The following DLGAP2 variants were observed in gnomAD, a reference collection of about 807,000 sequenced individuals.
The protein encoded by DLGAP2 is DLG associated protein 2.
In DLGAP2, 26 loss-of-function variants were observed where a neutral mutation model predicts 100.3. The observed-to-expected ratio is 0.26, with a 90% CI of 0.19 to 0.36. The LOEUF (loss-of-function observed/expected upper bound fraction) is 0.36. DLGAP2 is among the 10% of genes least tolerant of loss of function. The pLI is 1.00. For missense variants in DLGAP2, 1,858 were observed against 1,453.2 expected, an observed-to-expected ratio of 1.28 and a Z score of -4.53; for synonymous variants, 886 against 630.1, an observed-to-expected ratio of 1.41 and a Z score of -6.08.
At chr8:1,033,664 T>C (rs35604780) in intron 2 of DLGAP2, among the ~76,000 whole-genome samples, 61,785 of 151,930 alleles carry the variant, frequency 0.41, 12,658 homozygotes, top group Admixed American at 0.49. Flanking sequence ...GAGACCGTGT[T>C]ACCCCAAGTT....
chr8:1,285,098 C>T (rs1003906567), intron 3 of DLGAP2, among the ~76,000 whole-genome samples: 19 of 152,228 alleles, frequency 1.2e-4, no homozygotes, highest in East Asian at 1.2e-3. Flanking sequence ...TAAATTCTGC[C>T]ATATTTTTTA....
intron 3 of DLGAP2, among the ~76,000 whole-genome samples, chr8:1,298,597 G>T (rs1010747649): frequency 2.0e-5 from 3 of 151,868 alleles, no homozygotes; most frequent in African/African-American, 4.8e-5. Context: ...CCACAGTCCT[G>T]CCCGTCCACA....
At chr8:1,496,006 C>T (rs955744462) in intron 3 of DLGAP2, among the ~76,000 whole-genome samples, 11 of 152,056 alleles carry the variant, frequency 7.2e-5, no homozygotes, top group Non-Finnish European at 1.6e-4. Context: ...GACGTGGGGC[C>T]CCCGGCACGG....
At chr8:1,006,293 G>T (rs1801106969) in intron 2 of DLGAP2, among the ~76,000 whole-genome samples, 1 of 152,194 alleles carries the variant, frequency 6.6e-6, no homozygotes, top group African/African-American at 2.4e-5. Context: ...TCACATCGAG[G>T]ACGCCATGTG....
At chr8:1,528,055 C>G (rs975230883) in intron 4 of DLGAP2, among the ~76,000 whole-genome samples, 2 of 152,250 alleles carry the variant, frequency 1.3e-5, no homozygotes, top group African/African-American at 4.8e-5. Context: ...AGCTTTGCCT[C>G]TCCTGGAGGA....
rs78444212 is a variant in DLGAP2 at position 1,186,483 on chromosome 8, A to C, written c.74-72368A>C. 2.5e-3 allele frequency among the ~76,000 whole-genome samples: 387 copies of C among 152,280 alleles called. 18 individuals carry two copies. The East Asian group carries it at 0.057, about 22-fold the overall frequency. On this transcript the variant is annotated intron_variant, in intron 2 of 14. Coordinates refer to ENST00000637795, the MANE Select transcript of DLGAP2 (RefSeq NM_001346810.2). The stretch of plus-strand genomic sequence containing the variant: ...TCACGCCCTAAGCCAGCGAGTACCC[A>C]TCAACAAGGCTGTCAGTGACTGCAG...
chr8:1,662,694 C>T lies in DLGAP2; in HGVS notation c.1811-5635C>T, dbSNP rs367692276. On this transcript the variant is annotated intron_variant, in intron 8 of 14. Coordinates refer to ENST00000637795, the MANE Select transcript of DLGAP2 (RefSeq NM_001346810.2). ...GATATGCAAATGCCAAGACCGCCTA[C>T]CCCACAAGGTTGTTCTGAAGCTTAA... is the stretch of plus-strand genomic sequence containing the variant. Among the ~76,000 whole-genome samples, 26 of 152,374 alleles carry T rather than the reference C, an allele frequency of 1.7e-4. No individual in the cohort carries two copies. The East Asian group carries it at 4.6e-3, about 27-fold the overall frequency.
intron 14 of DLGAP2, among the ~76,000 whole-genome samples, chr8:1,698,768 C>G (rs140450197): frequency 1.5e-3 from 229 of 150,924 alleles, no homozygotes; most frequent in Admixed American, 2.2e-3. Context: ...CCAAGTAAGC[C>G]ATGTTTGGGA....
At position 1,092,596 on chromosome 8, in the gene DLGAP2, C is replaced by T. The variant is rs144906202; in HGVS notation, c.74-166255C>T. 2.5e-3 allele frequency among the ~76,000 whole-genome samples: 386 copies of T among 152,354 alleles called. 1 individual carries two copies. The highest frequency in any genetic ancestry group is 8.9e-3 in the African/African-American group (370 of 41,586). On this transcript the variant is annotated intron_variant, in intron 2 of 14. Transcript: ENST00000637795. ...AGGTGGACCCACTTCAGAGGAGTCA[C>T]ATGCCTCTCCAGGGACAGAGCCTTC...
chr8:1,356,997 C>T (rs73170488), intron 3 of DLGAP2, among the ~76,000 whole-genome samples: 17,728 of 151,052 alleles, frequency 0.12, 1,538 homozygotes, highest in Non-Finnish European at 0.18. Context: ...GAACACACAG[C>T]GGGGTAGGGC....
At chr8:1,196,515 G>T (rs749388279) in intron 2 of DLGAP2, among the ~76,000 whole-genome samples, 1 of 152,160 alleles carries the variant, frequency 6.6e-6, no homozygotes, top group Non-Finnish European at 1.5e-5. Flanking sequence ...GGAACAAGTC[G>T]TCTGTGATTT....
rs1011632465 is a variant in DLGAP2 at position 1,703,902 on chromosome 8, C to G, written c.*2496C>G. Reference sequence around the variant, plus strand: ...TCGACGTGGTGAATGTGCACACGCCCTGCCTGGTCCGCCATGTTCCAAAGA... The same window carrying G: ...TCGACGTGGTGAATGTGCACACGCCGTGCCTGGTCCGCCATGTTCCAAAGA... On this transcript the variant is annotated 3_prime_UTR_variant, in exon 15 of 15. Transcript: ENST00000637795. 6.6e-6 allele frequency: 1 copy of G among 152,618 alleles called. No individual in the cohort carries two copies. 9.5% of individuals were successfully genotyped at this position (152,618 alleles called of 1,614,324 possible). A position where few individuals can be genotyped will look rare whatever the true frequency, so the allele number is the denominator to read the frequency against.
chr8:906,109 G>GCAGC (rs1021522835), intron 1 of DLGAP2, among the ~76,000 whole-genome samples: 1 of 152,236 alleles, frequency 6.6e-6, no homozygotes, highest in Admixed American at 6.5e-5. Context: ...TTACCTATGG[G>GCAGC]CAGCCCCTCC....
At chr8:1,664,772 A>G (rs78580718) in intron 8 of DLGAP2, among the ~76,000 whole-genome samples, 2,162 of 152,326 alleles carry the variant, frequency 0.014, 47 homozygotes, top group African/African-American at 0.05. Flanking sequence ...TACGAAAGTC[A>G]GTCAGTGATA....
intron 3 of DLGAP2, among the ~76,000 whole-genome samples, chr8:1,473,285 A>G (rs115290935): frequency 0.035 from 5,317 of 152,264 alleles, 325 homozygotes; most frequent in African/African-American, 0.12. Context: ...TAACCACCCA[A>G]TGCCCTTCAG....
chr8:1,350,480 A>C (rs1801690815), intron 3 of DLGAP2, among the ~76,000 whole-genome samples: 1 of 93,134 alleles, frequency 1.1e-5, no homozygotes, highest in Non-Finnish European at 2.1e-5. Flanking sequence ...GTGCGTGGAA[A>C]GGCCGCGCGG....
At chr8:942,942 T>C (rs1216957137) in intron 2 of DLGAP2, among the ~76,000 whole-genome samples, 1 of 152,166 alleles carries the variant, frequency 6.6e-6, no homozygotes, top group African/African-American at 2.4e-5. Context: ...CAGTGATGCG[T>C]TGCAAGGGTG....
chr8:1,633,092 A>G (rs1179209900), intron 8 of DLGAP2, 46 bp downstream of exon 8: 5 of 1,595,300 alleles, frequency 3.1e-6, no homozygotes, highest in South Asian at 2.2e-5. Context: ...CTCTAGAGGC[A>G]TACCTGTCTT....
chr8:926,822 C>T (rs1229805542), intron 2 of DLGAP2, among the ~76,000 whole-genome samples: 4 of 152,272 alleles, frequency 2.6e-5, no homozygotes, highest in Non-Finnish European at 5.9e-5. Flanking sequence ...AGCTGCCCTC[C>T]TCCGGCAAGG....
Sources: gnomAD v4.1 joint callset for allele counts (sites outside exome capture counted in the v4.1 genomes callset) on GRCh38, gnomAD v4.1.1 for gene constraint, MANE v1.5 for transcripts, NCBI Gene and HGNC (gene_info 2026-07-23, HGNC 2026-07-21) for gene names.